MINK1: variants seen among roughly 807,000 people sequenced by gnomAD.
MINK1 encodes the protein misshapen-like kinase 1.
MINK1 carries 46 observed loss-of-function variants against 178.4 expected under a neutral mutation model. The ratio of observed to expected loss-of-function variants is 0.26; its 90% CI spans 0.20 to 0.33. The LOEUF (loss-of-function observed/expected upper bound fraction) is 0.33. MINK1 is among the 10% of genes least tolerant of loss of function. MINK1 has a pLI of 1.00. For missense variants in MINK1, 1,366 were observed against 1,814.9 expected, an observed-to-expected ratio of 0.75 and a Z score of 4.49; for synonymous variants, 797 against 709.7, an observed-to-expected ratio of 1.12 and a Z score of -1.96.
chr17:4,865,147 T>C (rs1036397449), intron 1 of MINK1, among the ~76,000 whole-genome samples: 2 of 152,098 alleles, frequency 1.3e-5, no homozygotes, highest in Non-Finnish European at 2.9e-5. Context: ...AACCAGACAC[T>C]GGGCCGGGCG....
intron 4 of MINK1, among the ~76,000 whole-genome samples, chr17:4,882,492 C>G (rs758940618): frequency 6.6e-6 from 1 of 152,210 alleles, no homozygotes; most frequent in Non-Finnish European, 1.5e-5. Flanking sequence ...TTCCCTGTTG[C>G]AGCTGTCGAG....
chr17:4,890,800 A>G, intron 14 of MINK1, 65 bp downstream of exon 14: 17 of 1,523,416 alleles, frequency 1.1e-5, no homozygotes, highest in Non-Finnish European at 1.4e-5. Context: ...GAGAGCCACA[A>G]GAAGTAGTAG....
rs1414271906 is a variant in MINK1, at chr17:4,897,618, A to C, written c.*331A>C. 5 of 217,686 alleles carry C rather than the reference A, an allele frequency of 2.3e-5. No homozygotes were observed. Among genetic ancestry groups the C allele is most frequent in the Non-Finnish European group, 2.7e-5 (3 of 110,428 alleles). 13.5% of individuals were successfully genotyped at this position (217,686 alleles called of 1,614,324 possible). A position where few individuals can be genotyped will look rare whatever the true frequency, so the allele number is the denominator to read the frequency against. ...GCTTGGGGCTTGAACCCCTTACCCC[A>C]CTGCTGCTGACTGGGCAGGGCCCTG... On this transcript the variant is annotated 3_prime_UTR_variant, in exon 32 of 32. Transcript: ENST00000355280.
intron 1 of MINK1, among the ~76,000 whole-genome samples, chr17:4,842,116 T>C (rs7222307): frequency 1.3e-5 from 2 of 149,948 alleles, no homozygotes; most frequent in African/African-American, 4.9e-5. Flanking sequence ...CCCAGCTACT[T>C]GGGAGGCTGA....
chr17:4,866,383 C>T (rs1235084379), intron 1 of MINK1, among the ~76,000 whole-genome samples: 2 of 151,448 alleles, frequency 1.3e-5, no homozygotes, highest in Non-Finnish European at 2.9e-5. Flanking sequence ...AGGAGAATCG[C>T]TTGAACTAGG....
At position 4,897,305 on chromosome 17, in the gene MINK1, G is replaced by A. The variant is rs746436882; in HGVS notation, c.*18G>A. The A allele has an allele frequency of 1.2e-6, 2 of 1,610,824 alleles. No individual in the cohort carries two copies. The stretch of plus-strand genomic sequence containing the variant: ...ACTGGTGACGGGGCCCTGGGCTGGG[G>A]CTGTCCCACACTGGACCCAGCTCTC... On this transcript the variant is annotated 3_prime_UTR_variant, in exon 32 of 32. Coordinates refer to ENST00000355280, the MANE Select transcript of MINK1 (RefSeq NM_153827.5).
Position 4,897,388 on chromosome 17 carries a change from TACTGGTTTGATTTC to T in MINK1, c.*107_*120del, listed in dbSNP as rs1303420665. The T allele has an allele frequency of 1.4e-4, 159 of 1,113,116 alleles. No individual in the cohort carries two copies. In the Admixed American group the frequency reaches 3.3e-3, roughly 23 times the overall value. 69.0% of individuals were successfully genotyped at this position (1,113,116 alleles called of 1,614,324 possible). A position where few individuals can be genotyped will look rare whatever the true frequency, so the allele number is the denominator to read the frequency against. ...TTTCCCCTCCCTGGGCTTTTGCTTT[TACTGGTTTGATTTC>T]ACTGGAGCCTGCTGGGAACGTGACC... is the stretch of plus-strand genomic sequence containing the variant. On this transcript the variant is annotated 3_prime_UTR_variant, in exon 32 of 32. Coordinates refer to ENST00000355280, the MANE Select transcript of MINK1 (RefSeq NM_153827.5).
chr17:4,892,072 T>G, intron 16 of MINK1, 77 bp from the exon 17 acceptor site: 1 of 1,247,210 alleles, frequency 8.0e-7, no homozygotes, highest in Non-Finnish European at 1.1e-6. Flanking sequence ...GGAGCTCACC[T>G]CTCAGAGGTG....
intron 1 of MINK1, among the ~76,000 whole-genome samples, chr17:4,845,692 G>A (rs1910909449): frequency 6.6e-6 from 1 of 151,822 alleles, no homozygotes; most frequent in South Asian, 2.1e-4. Context: ...CTGGAGTGCG[G>A]TGGCACAATC....
In MINK1 at chr17:4,843,488, G is replaced by GAAAGAA. The variant is rs147756639; in HGVS notation, c.57+9864_57+9869dup. On this transcript the variant is annotated intron_variant, in intron 1 of 31. Coordinates refer to ENST00000355280, the MANE Select transcript of MINK1 (RefSeq NM_153827.5). Reference sequence around the variant, plus strand: ...ACGAGACTCCGTCACAAAAAAAAAAGAAAGAAAAAGAAAAAGAAAAAAAAG... The same window carrying GAAAGAA: ...ACGAGACTCCGTCACAAAAAAAAAAGAAAGAAAAAGAAAAAGAAAAAGAAAAAAAAG... Among the ~76,000 whole-genome samples, 651 of 151,156 alleles carry GAAAGAA rather than the reference G, an allele frequency of 4.3e-3. 1 individual carries two copies. Among genetic ancestry groups the GAAAGAA allele is most frequent in the Non-Finnish European group, 6.9e-3 (467 of 67,726 alleles).
At chr17:4,841,655 A>T (rs1337384451) in intron 1 of MINK1, among the ~76,000 whole-genome samples, 1 of 151,756 alleles carries the variant, frequency 6.6e-6, no homozygotes, top group South Asian at 2.1e-4. Context: ...CCACTTCCTT[A>T]TGTGTAGAGA....
intron 1 of MINK1, among the ~76,000 whole-genome samples, chr17:4,845,220 A>C (rs569615604): frequency 1.3e-5 from 2 of 152,278 alleles, no homozygotes; most frequent in South Asian, 4.1e-4. Context: ...CAGGCTTCTG[A>C]AAGGGATTTT....
chr17:4,892,556 C>A, intron 18 of MINK1, 44 bp downstream of exon 18: 2 of 1,535,580 alleles, frequency 1.3e-6, no homozygotes, highest in Non-Finnish European at 1.8e-6. Context: ...CTCACTTCTG[C>A]CACCCGCTTC....
chr17:4,865,651 G>A (rs1449058178), intron 1 of MINK1, among the ~76,000 whole-genome samples: 2 of 150,020 alleles, frequency 1.3e-5, no homozygotes, highest in African/African-American at 4.9e-5. Context: ...TTGGAAGACA[G>A]GCAGGAGGAT....
chr17:4,884,392 A>G lies in MINK1; in HGVS notation c.336A>G (p.Ser112=), dbSNP rs1399677693. ...WLVMEFCGAG[S]VTDLVKNTKG... is the part of the protein sequence containing the mutation. Reference sequence around the variant, plus strand: ...TGATGGAGTTCTGTGGTGCTGGTTCAGTGACTGACCTGGTAAAGAACACAA... The same window carrying G: ...TGATGGAGTTCTGTGGTGCTGGTTCGGTGACTGACCTGGTAAAGAACACAA... The change falls in exon 5 of 32, where the codon TCA becomes TCG. Residue 112 remains serine, a synonymous_variant. Transcript: ENST00000355280. 10 of 1,613,792 alleles carry G rather than the reference A, an allele frequency of 6.2e-6. No individual in the cohort carries two copies. The highest frequency in any genetic ancestry group is 8.5e-6 in the Non-Finnish European group (10 of 1,179,872).
chr17:4,891,346 C>G lies in MINK1; in HGVS notation c.1741-110C>G. 3.5e-6 allele frequency: 5 copies of G among 1,410,848 alleles called. No individual in the cohort carries two copies. In the South Asian group the frequency reaches 7.4e-5, roughly 21 times the overall value. 87.4% of individuals were successfully genotyped at this position (1,410,848 alleles called of 1,614,324 possible). Reference sequence around the variant, plus strand: ...CATCAGGCTCAAGGAACCCCTTGTCCTTCAATGGAGGAAGGGGCAGCTAAA... The same window carrying G: ...CATCAGGCTCAAGGAACCCCTTGTCGTTCAATGGAGGAAGGGGCAGCTAAA... On this transcript the variant is annotated intron_variant, in intron 15 of 31. Transcript: ENST00000355280.
chr17:4,895,887 G>T lies in MINK1; in HGVS notation c.3364+55G>T. ...CATACTTGTTCATGAAGAGAGAAATGGATCTGGGAGCCAGGGACTTGGGGC... is the reference window on the plus strand; with the variant it reads ...CATACTTGTTCATGAAGAGAGAAATTGATCTGGGAGCCAGGGACTTGGGGC... On this transcript the variant is annotated intron_variant, in intron 27 of 31. Coordinates refer to ENST00000355280, the MANE Select transcript of MINK1 (RefSeq NM_153827.5). The surrounding 1 kb of genome is among the most constrained non-coding windows in gnomAD (Gnocchi z 4.3). 1 of 1,593,332 alleles carries T rather than the reference G, an allele frequency of 6.3e-7. No individual in the cohort carries two copies. The highest frequency in any genetic ancestry group is 8.6e-7 in the Non-Finnish European group (1 of 1,168,346).
intron 1 of MINK1, among the ~76,000 whole-genome samples, chr17:4,845,967 G>T (rs1399722232): frequency 6.6e-6 from 1 of 152,224 alleles, no homozygotes; most frequent in Non-Finnish European, 1.5e-5. Context: ...GAACACAGAT[G>T]AATGCAATGG....
At chr17:4,856,706 CA>C (rs1913210909) in intron 1 of MINK1, 1 of 152,496 alleles carries the variant, frequency 6.6e-6, no homozygotes, top group Non-Finnish European at 1.5e-5. Flanking sequence ...GTGGGGCATC[CA>C]GGGGCCTGAG....
Sources: gnomAD v4.1 joint callset for allele counts (sites outside exome capture counted in the v4.1 genomes callset) on GRCh38, gnomAD v4.1.1 for gene constraint, Gnocchi (gnomAD v3.1) non-coding constraint, MANE v1.5 for transcripts, NCBI Gene and HGNC (gene_info 2026-07-23, HGNC 2026-07-21) for gene names.